GPC6: variants seen among roughly 807,000 people sequenced by gnomAD.
The protein encoded by GPC6 is glypican-6.
A neutral mutation model predicts 55.2 loss-of-function variants in GPC6; 14 were observed. The ratio of observed to expected loss-of-function variants is 0.25; its 90% CI spans 0.17 to 0.40. The LOEUF (loss-of-function observed/expected upper bound fraction) is 0.40. Ranked by LOEUF, GPC6 falls within the 10% of genes least tolerant of loss-of-function variation. The pLI is 1.00. For missense variants in GPC6, 641 were observed against 708.5 expected (o/e 0.90, Z 1.08); for synonymous variants, 278 against 259.6 (o/e 1.07, Z -0.68).
intron 3 of GPC6, among the ~76,000 whole-genome samples, chr13:93,967,687 C>A (rs1381731978): frequency 6.6e-6 from 1 of 152,068 alleles, no homozygotes; most frequent in Non-Finnish European, 1.5e-5. Flanking sequence ...CTGATTATAA[C>A]CAAGTGAGAT....
At chr13:94,342,111 A>T (rs1878071013) in intron 6 of GPC6, among the ~76,000 whole-genome samples, 1 of 152,254 alleles carries the variant, frequency 6.6e-6, no homozygotes, top group Non-Finnish European at 1.5e-5. Context: ...TAAACCTCCC[A>T]GATGCTTCTT....
intron 1 of GPC6, among the ~76,000 whole-genome samples, chr13:93,414,820 A>T (rs1876637707): frequency 6.6e-6 from 1 of 152,096 alleles, no homozygotes; most frequent in Non-Finnish European, 1.5e-5. Context: ...CCTCCCTCTT[A>T]ATGTTATGAT....
chr13:93,290,449 G>C (rs150260677), intron 1 of GPC6, among the ~76,000 whole-genome samples: 35 of 152,112 alleles, frequency 2.3e-4, no homozygotes. Flanking sequence ...ACAATAAAAC[G>C]AGTAAATTGG....
chr13:94,031,632 T>G (rs1883143686), intron 4 of GPC6, among the ~76,000 whole-genome samples: 1 of 152,234 alleles, frequency 6.6e-6, no homozygotes, highest in African/African-American at 2.4e-5. Context: ...CATACAAAAC[T>G]TATCCCAGCC....
intron 1 of GPC6, among the ~76,000 whole-genome samples, chr13:93,367,118 T>C (rs534051739): frequency 6.6e-6 from 1 of 152,202 alleles, no homozygotes; most frequent in African/African-American, 2.4e-5. Flanking sequence ...GCTTAGTTGA[T>C]ATGGCAGTAC....
At chr13:94,399,657 C>T (rs751580085) in intron 8 of GPC6, among the ~76,000 whole-genome samples, 1 of 152,158 alleles carries the variant, frequency 6.6e-6, no homozygotes, top group Non-Finnish European at 1.5e-5. Flanking sequence ...TCATAGTTAT[C>T]AGCCTACCAA....
intron 3 of GPC6, among the ~76,000 whole-genome samples, chr13:94,002,197 C>T (rs1881836166): frequency 1.3e-5 from 2 of 151,846 alleles, no homozygotes; most frequent in Admixed American, 1.3e-4. Flanking sequence ...GGTAAATGCA[C>T]TAAGAAAAGA....
At chr13:93,427,466 T>C (rs1242358036) in intron 1 of GPC6, among the ~76,000 whole-genome samples, 1 of 151,906 alleles carries the variant, frequency 6.6e-6, no homozygotes, top group East Asian at 1.9e-4. Flanking sequence ...AACTATCTGA[T>C]CTTTGACAAA....
intron 3 of GPC6, among the ~76,000 whole-genome samples, chr13:93,884,901 T>A (rs1020207065): frequency 1.8e-4 from 27 of 152,092 alleles, no homozygotes; most frequent in Admixed American, 1.7e-3. Flanking sequence ...TAGTGAAAAA[T>A]TCTAGAATAT....
chr13:93,337,649 G>A lies in GPC6; in HGVS notation c.160+110033G>A, dbSNP rs148407841. ...TTAACTAAAACTAATGCATCAAGTCGACTGAAATGACATCAAATACATCCT... is the reference window on the plus strand; with the variant it reads ...TTAACTAAAACTAATGCATCAAGTCAACTGAAATGACATCAAATACATCCT... On this transcript the variant is annotated intron_variant, in intron 1 of 8. Coordinates refer to ENST00000377047, the MANE Select transcript of GPC6 (RefSeq NM_005708.5). Among the ~76,000 whole-genome samples the A allele has an allele frequency of 2.7e-4, 41 of 152,200 alleles. No individual in the cohort carries two copies. The East Asian group carries it at 6.8e-3, about 25-fold the overall frequency.
chr13:94,309,344 A>T (rs1876116763), intron 6 of GPC6, among the ~76,000 whole-genome samples: 2 of 152,100 alleles, frequency 1.3e-5, no homozygotes, highest in South Asian at 4.1e-4. Flanking sequence ...AAATGTTCTT[A>T]TATCAGTTAT....
At chr13:93,764,155 G>A (rs1885039318) in intron 2 of GPC6, among the ~76,000 whole-genome samples, 1 of 151,964 alleles carries the variant, frequency 6.6e-6, no homozygotes, top group Non-Finnish European at 1.5e-5. Flanking sequence ...CTAATATATA[G>A]TAGACCTTTT....
intron 2 of GPC6, among the ~76,000 whole-genome samples, chr13:93,759,577 G>A (rs889040057): frequency 5.3e-5 from 8 of 151,984 alleles, no homozygotes; most frequent in African/African-American, 1.7e-4. Flanking sequence ...ACCTTACATC[G>A]GATTTCAGAT....
rs1277379920 is a variant in GPC6 at position 93,828,848 on chromosome 13, T to C, written c.320-1306T>C. ...CCATTTAATTATCAAGACAATGGTT[T>C]GATTGTATATTAATCAGAACTGAAG... On this transcript the variant is annotated intron_variant, in intron 2 of 8. Coordinates refer to ENST00000377047, the MANE Select transcript of GPC6 (RefSeq NM_005708.5). Among the ~76,000 whole-genome samples the C allele has an allele frequency of 2.0e-5, 3 of 152,220 alleles. No individual in the cohort carries two copies. The East Asian group carries it at 5.8e-4, about 29-fold the overall frequency.
intron 1 of GPC6, among the ~76,000 whole-genome samples, chr13:93,542,241 T>C (rs1449533254): frequency 6.6e-6 from 1 of 152,240 alleles, no homozygotes; most frequent in Non-Finnish European, 1.5e-5. Flanking sequence ...TTTCTACATA[T>C]GGCTAGCCAG....
chr13:93,861,889 G>A (rs1366011210), intron 3 of GPC6, among the ~76,000 whole-genome samples: 1 of 151,722 alleles, frequency 6.6e-6, no homozygotes, highest in African/African-American at 2.4e-5. Context: ...TAAAGTGTCG[G>A]AAGGTTATGC....
At chr13:94,284,109 C>G (rs1001295724) in intron 4 of GPC6, among the ~76,000 whole-genome samples, 2 of 152,162 alleles carry the variant, frequency 1.3e-5, no homozygotes, top group Admixed American at 6.6e-5. Context: ...ACAGGCTTGC[C>G]CGGCAGGTGG....
intron 4 of GPC6, among the ~76,000 whole-genome samples, chr13:94,255,495 G>A (rs1891477290): frequency 6.6e-6 from 1 of 152,136 alleles, no homozygotes; most frequent in Non-Finnish European, 1.5e-5. Flanking sequence ...CTTGAGGGAT[G>A]GTTTGACAAC....
At chr13:93,284,816 T>C (rs1878058168) in intron 1 of GPC6, among the ~76,000 whole-genome samples, 1 of 152,154 alleles carries the variant, frequency 6.6e-6, no homozygotes, top group African/African-American at 2.4e-5. Context: ...ATAATGAACA[T>C]AATGTACTAG....
Sources: gnomAD v4.1 joint callset for allele counts (sites outside exome capture counted in the v4.1 genomes callset) on GRCh38, gnomAD v4.1.1 for gene constraint, MANE v1.5 for transcripts, NCBI Gene and HGNC (gene_info 2026-07-23, HGNC 2026-07-21) for gene names.